Variants in WDR17 observed in about 807,000 individuals in gnomAD.
The protein encoded by WDR17 is WD repeat domain 17.
In WDR17, 143 loss-of-function variants were observed where a neutral mutation model predicts 161.7. The ratio of observed to expected loss-of-function variants is 0.88; its 90% CI spans 0.77 to 1.02. The LOEUF is 1.02. Among genes scored for constraint, WDR17 ranks in the 50% least tolerant of loss-of-function variants. The pLI, the probability that WDR17 is intolerant of heterozygous loss-of-function variation, is 0.00. For missense variants in WDR17, 1,469 were observed against 1,520.9 expected, an observed-to-expected ratio of 0.97 and a Z score of 0.57; for synonymous variants, 517 against 515.6, an observed-to-expected ratio of 1.00 and a Z score of -0.04.
intron 1 of WDR17, among the ~76,000 whole-genome samples, chr4:176,110,556 G>C (rs1215827244): frequency 1.3e-5 from 2 of 152,044 alleles, no homozygotes; most frequent in Non-Finnish European, 2.9e-5. Context: ...TAACCACATA[G>C]TTTAATACTC....
intron 26 of WDR17, among the ~76,000 whole-genome samples, chr4:176,176,474 C>T (rs978031120): frequency 6.6e-6 from 1 of 152,132 alleles, no homozygotes; most frequent in African/African-American, 2.4e-5. Flanking sequence ...CACTCCCTCC[C>T]GTCTCCTTTC....
At chr4:176,103,461 T>G (rs10023540) in intron 1 of WDR17, among the ~76,000 whole-genome samples, 4,575 of 152,080 alleles carry the variant, frequency 0.03, 192 homozygotes, top group African/African-American at 0.096. Flanking sequence ...ACAGATGCTT[T>G]CTGAAAAAGA....
intron 9 of WDR17, among the ~76,000 whole-genome samples, chr4:176,138,176 T>C (rs1207540936): frequency 6.6e-6 from 1 of 151,678 alleles, no homozygotes; most frequent in African/African-American, 2.4e-5. Context: ...AAAATACATA[T>C]GATCTGAGTA....
At chr4:176,078,026 A>G (rs1277533838) in intron 1 of WDR17, among the ~76,000 whole-genome samples, 1 of 152,054 alleles carries the variant, frequency 6.6e-6, no homozygotes, top group Non-Finnish European at 1.5e-5. Flanking sequence ...TATAAATAGA[A>G]TGATACGTTG....
At chr4:176,114,364 T>C (rs1034627056) in intron 2 of WDR17, among the ~76,000 whole-genome samples, 1 of 152,038 alleles carries the variant, frequency 6.6e-6, no homozygotes, top group African/African-American at 2.4e-5. Context: ...CCAAGAATAG[T>C]TGAAGTTATA....
At position 176,107,550 on chromosome 4, in the gene WDR17, C is replaced by T. The variant is rs188600319; in HGVS notation, c.-6-4025C>T. On this transcript the variant is annotated intron_variant, in intron 1 of 28. Transcript: ENST00000508596. ...CAATCCAGGCGACAAATCACAGACA[C>T]GTGGATAAGGAAATATGGCATATAT... Among the ~76,000 whole-genome samples, 89 of 151,068 alleles carry T rather than the reference C, an allele frequency of 5.9e-4. 1 individual carries two copies. The highest frequency in any genetic ancestry group is 1.9e-3 in the African/African-American group (79 of 41,090).
intron 21 of WDR17, among the ~76,000 whole-genome samples, chr4:176,162,629 G>GA (rs1749197096): frequency 6.6e-6 from 1 of 151,854 alleles, no homozygotes; most frequent in Non-Finnish European, 1.5e-5. Context: ...AGGATTATAA[G>GA]AAAAAATACA....
intron 1 of WDR17, among the ~76,000 whole-genome samples, chr4:176,078,006 T>C (rs1211147135): frequency 6.6e-6 from 1 of 152,108 alleles, no homozygotes; most frequent in Admixed American, 6.6e-5. Context: ...TTGCATTTTC[T>C]AGAACTTTGT....
At chr4:176,070,106 G>A (rs1733033243) in intron 1 of WDR17, among the ~76,000 whole-genome samples, 1 of 152,110 alleles carries the variant, frequency 6.6e-6, no homozygotes, top group Admixed American at 6.6e-5. Flanking sequence ...AATTAATAAG[G>A]GAAAAGCTGG....
intron 11 of WDR17, among the ~76,000 whole-genome samples, chr4:176,142,315 A>G (rs913309995): frequency 5.3e-5 from 8 of 152,124 alleles, no homozygotes; most frequent in African/African-American, 1.7e-4. Flanking sequence ...AATACTTAGG[A>G]AAAAAAATAA....
At chr4:176,147,561 A>G (rs1746384357) in intron 12 of WDR17, among the ~76,000 whole-genome samples, 1 of 152,196 alleles carries the variant, frequency 6.6e-6, no homozygotes, top group Non-Finnish European at 1.5e-5. Context: ...TTCAGATAAT[A>G]CCCATCATCA....
At chr4:176,082,736 CT>C (rs1297236047) in intron 1 of WDR17, among the ~76,000 whole-genome samples, 1 of 152,090 alleles carries the variant, frequency 6.6e-6, no homozygotes, top group Non-Finnish European at 1.5e-5. Context: ...GTCTAAGATA[CT>C]TTCCATTTTA....
intron 8 of WDR17, 120 bp from the exon 9 acceptor site, chr4:176,137,400 T>C (rs1486495685): frequency 4.3e-6 from 3 of 694,932 alleles, no homozygotes; most frequent in Non-Finnish European, 7.2e-6. Flanking sequence ...ATTTCAATTA[T>C]AAAAAATTAA....
chr4:176,132,326 G>C (rs1395465726), intron 7 of WDR17, among the ~76,000 whole-genome samples: 1 of 151,986 alleles, frequency 6.6e-6, no homozygotes, highest in African/African-American at 2.4e-5. Context: ...TTGAATGAAT[G>C]AATGAAGACA....
intron 1 of WDR17, among the ~76,000 whole-genome samples, chr4:176,068,845 G>A (rs1175036437): frequency 6.6e-6 from 1 of 152,068 alleles, no homozygotes; most frequent in Non-Finnish European, 1.5e-5. Flanking sequence ...GAGAATTTTA[G>A]AAATTCTCCC....
chr4:176,098,522 T>C (rs1737259632), intron 1 of WDR17, among the ~76,000 whole-genome samples: 1 of 152,114 alleles, frequency 6.6e-6, no homozygotes, highest in Middle Eastern at 3.4e-3. Flanking sequence ...GACTGTTTTC[T>C]GTTTTTAGTA....
chr4:176,131,998 T>A (rs7684270), intron 7 of WDR17, among the ~76,000 whole-genome samples: 38,660 of 151,920 alleles, frequency 0.25, 5,087 homozygotes, highest in African/African-American at 0.3. Context: ...ATAGCTGTAG[T>A]ATATTTTGGA....
rs1167925033 is a variant in WDR17, at chr4:176,181,733, A to G, written c.*2154A>G. 6.5e-6 allele frequency: 1 copy of G among 152,860 alleles called. No individual in the cohort carries two copies. The highest frequency in any genetic ancestry group is 1.9e-4 in the East Asian group (1 of 5,226). 9.5% of individuals were successfully genotyped at this position (152,860 alleles called of 1,614,324 possible). On this transcript the variant is annotated 3_prime_UTR_variant, in exon 29 of 29. Coordinates refer to ENST00000508596, the MANE Select transcript of WDR17 (RefSeq NM_181265.4). ...AATAAGCCTATCTTTTTGTGCTTAC[A>G]TACTTAAAAGGATATCATTAAGTAT...
chr4:176,141,644 G>T (rs1410365530), intron 10 of WDR17, among the ~76,000 whole-genome samples: 1 of 152,038 alleles, frequency 6.6e-6, no homozygotes, highest in Non-Finnish European at 1.5e-5. Flanking sequence ...TGTTGGCCAG[G>T]CTGGTCTTGA....
Sources: gnomAD v4.1 joint callset for allele counts (sites outside exome capture counted in the v4.1 genomes callset) on GRCh38, gnomAD v4.1.1 for gene constraint, MANE v1.5 for transcripts, NCBI Gene and HGNC (gene_info 2026-07-23, HGNC 2026-07-21) for gene names.